Variants in RAE1 observed in about 807,000 individuals in gnomAD.
The protein encoded by RAE1 is ribonucleic acid export 1.
A neutral mutation model predicts 52.7 loss-of-function variants in RAE1; 13 were observed. That is an observed-to-expected ratio of 0.25 (90% CI 0.16 to 0.39). The LOEUF (loss-of-function observed/expected upper bound fraction) is 0.39, where lower values mean the gene tolerates loss of function less well. Ranked by LOEUF, RAE1 falls within the 10% of genes least tolerant of loss-of-function variation. The probability of loss-of-function intolerance (pLI) is 1.00; values close to 1 mark genes in which losing one functional copy is unlikely to be tolerated. For synonymous variants in RAE1, 164 were observed against 153.1 expected (o/e 1.07, Z -0.52); for missense variants, 262 against 459.8 (o/e 0.57, Z 3.93).
At chr20:57,370,895 T>A (rs1250809196) in intron 8 of RAE1, among the ~76,000 whole-genome samples, 1 of 152,174 alleles carries the variant, frequency 6.6e-6, no homozygotes, top group African/African-American at 2.4e-5. Flanking sequence ...AACCTGCCCC[T>A]CTCGGCCACC....
rs565877081 is a variant in RAE1, at chr20:57,359,035, G to T, written c.288+2497G>T. ...TAAGAGACAGCTGAACCTTCGTGTGGCCATTCATTCAAGTCCCTATTTAGA... is the reference window on the plus strand; with the variant it reads ...TAAGAGACAGCTGAACCTTCGTGTGTCCATTCATTCAAGTCCCTATTTAGA... On this transcript the variant is annotated intron_variant, in intron 4 of 11. Coordinates refer to ENST00000395841, the MANE Select transcript of RAE1 (RefSeq NM_003610.4). 364 of 1,514,670 alleles carry T rather than the reference G, an allele frequency of 2.4e-4. 1 individual carries two copies. Among genetic ancestry groups the T allele is most frequent in the South Asian group, 9.7e-4 (77 of 79,302 alleles). The allele number at this position is 1,514,670 out of a possible 1,614,324, so 93.8% of individuals were successfully genotyped here.
Position 57,368,788 on chromosome 20 carries a change from G to A in RAE1, c.618G>A (p.Arg206=), listed in dbSNP as rs770473206. 2.4e-5 allele frequency: 39 copies of A among 1,612,762 alleles called. No individual in the cohort carries two copies. Among genetic ancestry groups the A allele is most frequent in the Non-Finnish European group, 3.3e-5 (39 of 1,179,416 alleles). The stretch of plus-strand genomic sequence containing the variant: ...AGAATCAACCTTCTGAATTCAGGAG[G>A]ATAGAATCTCCACTGAAACATCAGG... ...QLENQPSEFR[R]IESPLKHQHR... is the part of the protein sequence containing the mutation. The change falls in exon 8 of 12, where the codon AGG becomes AGA. Residue 206 remains arginine (R), a synonymous_variant. Transcript: ENST00000395841.
intron 8 of RAE1, among the ~76,000 whole-genome samples, chr20:57,369,359 A>T (rs2067001775): frequency 6.6e-6 from 1 of 152,036 alleles, no homozygotes; most frequent in African/African-American, 2.4e-5. Context: ...TGTGGAGGAA[A>T]CCCCACAGGT....
chr20:57,362,310 C>T (rs167879), intron 4 of RAE1, among the ~76,000 whole-genome samples: 129,456 of 152,268 alleles, frequency 0.85, 55,199 homozygotes, highest in East Asian at 0.97. Context: ...ATTTTTATCA[C>T]CTGTAAAATG....
chr20:57,355,610 A>C (rs1187994396), intron 3 of RAE1, among the ~76,000 whole-genome samples: 4 of 152,246 alleles, frequency 2.6e-5, no homozygotes, highest in Non-Finnish European at 5.9e-5. Flanking sequence ...TATCTAAATT[A>C]ACCTTTATAA....
chr20:57,360,773 A>G (rs938946709), intron 4 of RAE1, among the ~76,000 whole-genome samples: 2 of 152,186 alleles, frequency 1.3e-5, no homozygotes, highest in Non-Finnish European at 2.9e-5. Context: ...CCTAAATATT[A>G]GTATAGCTTA....
chr20:57,374,202 G>A (rs572188144), intron 10 of RAE1, among the ~76,000 whole-genome samples: 19 of 152,280 alleles, frequency 1.2e-4, no homozygotes, highest in South Asian at 1.0e-3. Flanking sequence ...TTAACGTGCC[G>A]CCTAACTAGC....
At chr20:57,356,400 T>A (rs763386089) in intron 3 of RAE1, 46 bp from the exon 4 acceptor site, 1 of 1,486,758 alleles carries the variant, frequency 6.7e-7, no homozygotes, top group Non-Finnish European at 9.3e-7. Flanking sequence ...ATGCAAGCAA[T>A]ACATCGTAAT....
rs150683381 is a variant in RAE1, at chr20:57,373,546, G to A, written c.714G>A (p.Gly238=). ...PTGFALGSIE[G]RVAIHYINPP... is the part of the protein sequence containing the mutation. ...GTTTTGCCCTGGGAAGTATCGAGGG[G>A]AGAGTTGCTATTCACTATATCAACC... The change falls in exon 9 of 12, where the codon GGG becomes GGA. Residue 238 remains glycine, a synonymous_variant. Transcript: ENST00000395841. 48 of 1,614,152 alleles carry A rather than the reference G, an allele frequency of 3.0e-5. No individual in the cohort carries two copies. In the African/African-American group the frequency reaches 4.7e-4, roughly 16 times the overall value.
chr20:57,374,848 A>G lies in RAE1; in HGVS notation c.1020+47A>G. 1.9e-6 allele frequency: 3 copies of G among 1,605,906 alleles called. No homozygotes were observed. The South Asian group carries it at 3.3e-5, about 18-fold the overall frequency. ...CTGGGTGCTCCAAGGCAGCAGAGCCAGGCTCTGGGTTCAGAAGGCCTAGGC... is the reference window on the plus strand; with the variant it reads ...CTGGGTGCTCCAAGGCAGCAGAGCCGGGCTCTGGGTTCAGAAGGCCTAGGC... On this transcript the variant is annotated intron_variant, in intron 11 of 11. Coordinates refer to ENST00000395841, the MANE Select transcript of RAE1 (RefSeq NM_003610.4).
At chr20:57,356,281 G>GT (rs1204958357) in intron 3 of RAE1, among the ~76,000 whole-genome samples, 165 bp from the exon 4 acceptor site, 1 of 152,208 alleles carries the variant, frequency 6.6e-6, no homozygotes, top group African/African-American at 2.4e-5. Context: ...GAAGAAAACA[G>GT]TTGCTTTCAT....
rs114432966 is a variant in RAE1, at chr20:57,366,176, C to G, written c.376-631C>G. Among the ~76,000 whole-genome samples the G allele has an allele frequency of 2.6e-3, 392 of 152,162 alleles. 1 individual carries two copies. The highest frequency in any genetic ancestry group is 8.9e-3 in the African/African-American group (370 of 41,480). ...CCCTAAGGAGGAGCTTACTTTCACT[C>G]GCACATATGTCTTAATTATGAGTAA... is the stretch of plus-strand genomic sequence containing the variant. On this transcript the variant is annotated intron_variant, in intron 5 of 11. Coordinates refer to ENST00000395841, the MANE Select transcript of RAE1 (RefSeq NM_003610.4).
chr20:57,353,891 C>T, intron 1 of RAE1, 141 bp from the exon 2 acceptor site: 2 of 654,328 alleles, frequency 3.1e-6, no homozygotes, highest in Admixed American at 2.8e-5. Context: ...AAGCACTCTG[C>T]TCATTGCGCT....
At chr20:57,362,633 A>G (rs2066905872) in intron 4 of RAE1, among the ~76,000 whole-genome samples, 1 of 152,208 alleles carries the variant, frequency 6.6e-6, no homozygotes, top group Non-Finnish European at 1.5e-5. Flanking sequence ...CATAGCATCT[A>G]GTGGGAGGAT....
chr20:57,352,351 T>C (rs1007880738), intron 1 of RAE1, among the ~76,000 whole-genome samples: 2 of 152,010 alleles, frequency 1.3e-5, no homozygotes, highest in African/African-American at 4.8e-5. Context: ...GAGAAGCAAA[T>C]CATCCCAAGC....
intron 3 of RAE1, among the ~76,000 whole-genome samples, chr20:57,356,095 G>T (rs973705897): frequency 1.3e-5 from 2 of 152,096 alleles, no homozygotes; most frequent in Non-Finnish European, 2.9e-5. Flanking sequence ...TTAACGGAGG[G>T]GAGATTATAT....
At chr20:57,361,546 A>G (rs1050746280) in intron 4 of RAE1, among the ~76,000 whole-genome samples, 2 of 152,162 alleles carry the variant, frequency 1.3e-5, no homozygotes, top group Non-Finnish European at 1.5e-5. Context: ...GAAATTGAGC[A>G]TACGTGCATG....
At chr20:57,365,259 A>G in intron 4 of RAE1, 97 bp from the exon 5 acceptor site, 2 of 788,470 alleles carry the variant, frequency 2.5e-6, no homozygotes, top group Admixed American at 2.9e-5. Context: ...AAGATTGCCA[A>G]AGTTTGCCTC....
At chr20:57,370,173 C>T (rs1226502118) in intron 8 of RAE1, among the ~76,000 whole-genome samples, 1 of 152,144 alleles carries the variant, frequency 6.6e-6, no homozygotes, top group Non-Finnish European at 1.5e-5. Flanking sequence ...CCTTTATTCC[C>T]TCACCTCCCA....
Sources: allele counts gnomAD v4.1 joint callset (sites outside exome capture counted in the v4.1 genomes callset), GRCh38; gene constraint gnomAD v4.1.1; transcripts MANE v1.5; gene names NCBI Gene and HGNC (gene_info 2026-07-23, HGNC 2026-07-21).